Variants in NHSL2 observed in about 807,000 individuals in gnomAD.
NHSL2 encodes the protein NHS-like protein 2.
NHSL2 carries 27 observed loss-of-function variants against 53.4 expected under a neutral mutation model. The observed-to-expected ratio is 0.51, with a 90% CI of 0.37 to 0.70. NHSL2 has a LOEUF of 0.70. Ranked by LOEUF, NHSL2 falls within the 30% of genes least tolerant of loss-of-function variation. The pLI, the probability that NHSL2 is intolerant of heterozygous loss-of-function variation, is 0.00. For missense variants in NHSL2, 892 were observed against 980.1 expected, an observed-to-expected ratio of 0.91 and a Z score of 1.20; for synonymous variants, 408 against 404.1, an observed-to-expected ratio of 1.01 and a Z score of -0.12.
chrX:71,997,203 C>T (rs931645773), intron 1 of NHSL2, among the ~76,000 whole-genome samples: 1 of 111,417 alleles, frequency 9.0e-6, no homozygotes, highest in African/African-American at 3.3e-5. Flanking sequence ...GGCAACAAAT[C>T]GGTAGAAGGG....
At chrX:72,020,851 G>T (rs916660251) in intron 1 of NHSL2, among the ~76,000 whole-genome samples, 9 of 112,760 alleles carry the variant, frequency 8.0e-5, no homozygotes, top group Non-Finnish European at 1.5e-4. Context: ...GAAGCAAAGT[G>T]CAGATTCTGT....
chrX:72,152,374 C>G lies in NHSL2; in HGVS notation c.*8800C>G, dbSNP rs2042522831. On this transcript the variant is annotated 3_prime_UTR_variant, in exon 8 of 8. Coordinates refer to ENST00000633930, the MANE Select transcript of NHSL2 (RefSeq NM_001013627.3). ...GCGCGCGCGCACACACACACACACACACACACACACACACACAGTCCAGCA... is the reference window on the plus strand; with the variant it reads ...GCGCGCGCGCACACACACACACACAGACACACACACACACACAGTCCAGCA... The G allele has an allele frequency of 9.3e-6, 1 of 107,789 alleles. No homozygotes were observed. Among genetic ancestry groups the G allele is most frequent in the African/African-American group, 3.3e-5 (1 of 29,897 alleles). The allele number at this position is 107,789 out of a possible 1,213,427, so 8.9% of individuals were successfully genotyped here.
At chrX:71,964,000 C>T (rs868012054) in intron 1 of NHSL2, among the ~76,000 whole-genome samples, 6,461 of 31,336 alleles carry the variant, frequency 0.21, 1,030 homozygotes, top group East Asian at 0.49. Flanking sequence ...TATGTATATA[C>T]ATATATATAT....
chrX:71,988,352 A>T (rs1267622943), intron 1 of NHSL2, among the ~76,000 whole-genome samples: 1 of 111,695 alleles, frequency 9.0e-6, no homozygotes, highest in Non-Finnish European at 1.9e-5. Flanking sequence ...TAATCTTGTC[A>T]CCTACAGCCA....
At chrX:72,086,183 T>C (rs1457120925) in intron 1 of NHSL2, among the ~76,000 whole-genome samples, 1 of 112,097 alleles carries the variant, frequency 8.9e-6, no homozygotes, top group Non-Finnish European at 1.9e-5. Context: ...AAGATACACA[T>C]GTTCTGTAGC....
intron 1 of NHSL2, among the ~76,000 whole-genome samples, chrX:72,049,003 AGAAGAAGAAGAG>A (rs2042322416): frequency 5.0e-5 from 2 of 39,673 alleles, no homozygotes; most frequent in African/African-American, 1.2e-4. Flanking sequence ...AAGAAGAAGA[AGAAGAAGAAGAG>A]GAAGAGGAAG....
chrX:72,008,711 T>C (rs1451982604), intron 1 of NHSL2, among the ~76,000 whole-genome samples: 2 of 112,430 alleles, frequency 1.8e-5, no homozygotes, highest in Non-Finnish European at 3.8e-5. Context: ...GTTGCTCGTC[T>C]TGAGTTTGGC....
At chrX:71,919,344 TG>T (rs768388846) in intron 1 of NHSL2, among the ~76,000 whole-genome samples, 1 of 111,414 alleles carries the variant, frequency 9.0e-6, no homozygotes, top group Non-Finnish European at 1.9e-5. Flanking sequence ...ACAGGGTTGT[TG>T]TGAGGATCCA....
At position 72,153,087 on chromosome X, in the gene NHSL2, C is replaced by T. The variant is rs1259511750; in HGVS notation, c.*9513C>T. The T allele has an allele frequency of 9.0e-6, 1 of 111,589 alleles. No individual in the cohort carries two copies. The highest frequency in any genetic ancestry group is 3.3e-5 in the African/African-American group (1 of 30,666). 9.2% of individuals were successfully genotyped at this position (111,589 alleles called of 1,213,427 possible). A position where few individuals can be genotyped will look rare whatever the true frequency, so the allele number is the denominator to read the frequency against. ...AGAAGAAGCAGAAAGTAGGAGAGATCACGATCTCAGTCTTTTTAGGATTCC... is the reference window on the plus strand; with the variant it reads ...AGAAGAAGCAGAAAGTAGGAGAGATTACGATCTCAGTCTTTTTAGGATTCC... On this transcript the variant is annotated 3_prime_UTR_variant, in exon 8 of 8. Coordinates refer to ENST00000633930, the MANE Select transcript of NHSL2 (RefSeq NM_001013627.3).
At chrX:71,947,166 G>A (rs73559839) in intron 1 of NHSL2, among the ~76,000 whole-genome samples, 1,691 of 111,039 alleles carry the variant, frequency 0.015, 32 homozygotes, top group African/African-American at 0.052. Flanking sequence ...TTGAACAATG[G>A]CCCCTTCCTC....
At chrX:72,106,137 G>T (rs188580885) in intron 1 of NHSL2, among the ~76,000 whole-genome samples, 147 of 111,031 alleles carry the variant, frequency 1.3e-3, no homozygotes, top group African/African-American at 4.6e-3. Context: ...TGAACCCCGG[G>T]GGGGCAGAGC....
At position 72,143,481 on chromosome X, in the gene NHSL2, A is replaced by G; in HGVS notation, c.3585A>G (p.Ala1195=). ...SKATPRSRPS[A]AELLKTTNPL... is the part of the protein sequence containing the mutation. ...CAACTCCAAGGTCTCGTCCCTCAGC[A>G]GCTGAACTTCTGAAGACCACTAACC... Residue 1195 remains alanine, a synonymous_variant, in exon 8 of 8, where the codon GCA becomes GCG. Coordinates refer to ENST00000633930, the MANE Select transcript of NHSL2 (RefSeq NM_001013627.3). 8.6e-7 allele frequency: 1 copy of G among 1,167,101 alleles called. No homozygotes were observed. The highest frequency in any genetic ancestry group is 1.8e-5 in the African/African-American group (1 of 56,363).
At chrX:71,962,447 T>C (rs961847265) in intron 1 of NHSL2, among the ~76,000 whole-genome samples, 15 of 111,406 alleles carry the variant, frequency 1.3e-4, no homozygotes, top group African/African-American at 3.9e-4. Flanking sequence ...CTTGGACTTT[T>C]CTTTATTGGG....
intron 4 of NHSL2, among the ~76,000 whole-genome samples, chrX:72,135,578 A>G (rs146636615): frequency 0.016 from 1,817 of 112,199 alleles, 23 homozygotes; most frequent in Middle Eastern, 0.037. Flanking sequence ...AGCTCTGGCC[A>G]CATGTGGCAA....
Position 72,139,707 on chromosome X carries a change from A to G in NHSL2, c.2159A>G (p.Glu720Gly). 1 of 1,210,770 alleles carries G rather than the reference A, an allele frequency of 8.3e-7. No homozygotes were observed. Among genetic ancestry groups the G allele is most frequent in the South Asian group, 1.8e-5 (1 of 56,918 alleles). ...TCCAGTGGCTACTCCAGCCAGTCGG[A>G]AACACCAACACCCACTGTTTCCATG... The part of the protein sequence containing the change: ...SPSSGYSSQS[E>G]TPTPTVSMSL... The change falls in exon 6 of 8, where the codon GAA becomes GGA. Residue 720 changes from glutamate (E) to glycine (G), a missense_variant. Coordinates refer to ENST00000633930, the MANE Select transcript of NHSL2 (RefSeq NM_001013627.3).
At chrX:72,079,432 A>G (rs1487200150) in intron 1 of NHSL2, among the ~76,000 whole-genome samples, 3 of 112,115 alleles carry the variant, frequency 2.7e-5, no homozygotes, top group African/African-American at 9.7e-5. Flanking sequence ...CTCATCCTTT[A>G]GCTGTTGGGC....
chrX:72,118,449 A>C (rs1222062348), intron 1 of NHSL2, among the ~76,000 whole-genome samples: 1 of 111,782 alleles, frequency 8.9e-6, no homozygotes. Context: ...TTTTTTCTTG[A>C]GATAGAGTCT....
chrX:71,944,229 C>T (rs1425310460), intron 1 of NHSL2, among the ~76,000 whole-genome samples: 1 of 112,427 alleles, frequency 8.9e-6, no homozygotes, highest in Non-Finnish European at 1.9e-5. Flanking sequence ...AAGCCTGGGA[C>T]TGCAGTTGAG....
chrX:72,147,671 G>A lies in NHSL2; in HGVS notation c.*4097G>A, dbSNP rs916875213. The A allele has an allele frequency of 1.8e-5, 2 of 111,693 alleles. No homozygotes were observed. The highest frequency in any genetic ancestry group is 3.8e-5 in the Non-Finnish European group (2 of 53,149). 9.2% of individuals were successfully genotyped at this position (111,693 alleles called of 1,213,427 possible). ...TCAACAAAAGAGTGACTGAGTTGACGGTCTGTCACCAGGATCCTCCCTCTC... is the reference window on the plus strand; with the variant it reads ...TCAACAAAAGAGTGACTGAGTTGACAGTCTGTCACCAGGATCCTCCCTCTC... On this transcript the variant is annotated 3_prime_UTR_variant, in exon 8 of 8. Transcript: ENST00000633930.
Sources: allele counts gnomAD v4.1 joint callset (sites outside exome capture counted in the v4.1 genomes callset), GRCh38; gene constraint gnomAD v4.1.1; transcripts MANE v1.5; gene names NCBI Gene and HGNC (gene_info 2026-07-23, HGNC 2026-07-21).